Variants in ROBO2 observed in about 807,000 individuals in gnomAD.
ROBO2 encodes the protein roundabout guidance receptor 2.
In ROBO2, 53 loss-of-function variants were observed where a neutral mutation model predicts 160.8. That is an observed-to-expected ratio of 0.33 (90% CI 0.26 to 0.41). The LOEUF (loss-of-function observed/expected upper bound fraction) is 0.41. Among genes scored for constraint, ROBO2 ranks in the 10% least tolerant of loss-of-function variants. The pLI is 1.00. For synonymous variants in ROBO2, 664 were observed against 611.7 expected (o/e 1.09, Z -1.26); for missense variants, 1,577 against 1,722.4 (o/e 0.92, Z 1.49).
intron 2 of ROBO2, among the ~76,000 whole-genome samples, chr3:76,210,038 G>A (rs564640150): frequency 6.6e-6 from 1 of 152,160 alleles, no homozygotes; most frequent in East Asian, 1.9e-4. Context: ...TAGTCCAGTA[G>A]CACTGGAAAT....
At chr3:76,882,929 T>C (rs2073502931) in intron 2 of ROBO2, among the ~76,000 whole-genome samples, 1 of 152,224 alleles carries the variant, frequency 6.6e-6, no homozygotes, top group South Asian at 2.1e-4. Context: ...TCAGTCTCCA[T>C]AATTTGTTTC....
chr3:76,197,347 G>T (rs754253061), intron 2 of ROBO2, among the ~76,000 whole-genome samples: 1 of 148,280 alleles, frequency 6.7e-6, no homozygotes, highest in Non-Finnish European at 1.5e-5. Context: ...TATAGATTTG[G>T]ATCTGGGCCT....
chr3:77,139,920 T>C (rs1003928035), intron 2 of ROBO2, among the ~76,000 whole-genome samples: 2 of 152,158 alleles, frequency 1.3e-5, no homozygotes, highest in African/African-American at 4.8e-5. Context: ...GACATGCTTG[T>C]CAACACCAAA....
chr3:76,580,442 G>A (rs1359851502), intron 2 of ROBO2, among the ~76,000 whole-genome samples: 1 of 142,580 alleles, frequency 7.0e-6, no homozygotes, highest in Non-Finnish European at 1.5e-5. Flanking sequence ...CCTACTACGT[G>A]ATCATACCAT....
intron 2 of ROBO2, among the ~76,000 whole-genome samples, chr3:75,994,892 C>A (rs1423789970): frequency 6.6e-6 from 1 of 152,132 alleles, no homozygotes; most frequent in African/African-American, 2.4e-5. Flanking sequence ...GAGGTGCTAT[C>A]AGATGGAGAT....
chr3:77,034,884 T>G lies in ROBO2; in HGVS notation c.110-63130T>G, dbSNP rs2063535751. Reference sequence around the variant, plus strand: ...TGGCAAAGAATCAAAGGGATTTTCTTGGGTTCATGAAAGTGTGGTGTAAAA... The same window carrying G: ...TGGCAAAGAATCAAAGGGATTTTCTGGGGTTCATGAAAGTGTGGTGTAAAA... On this transcript the variant is annotated intron_variant, in intron 2 of 26. Coordinates refer to the ROBO2 transcript ENST00000487694. Among the ~76,000 whole-genome samples, 3 of 151,964 alleles carry G rather than the reference T, an allele frequency of 2.0e-5. No individual in the cohort carries two copies. In the South Asian group the frequency reaches 6.2e-4, roughly 31 times the overall value.
At chr3:76,351,885 G>A (rs1007382515) in intron 2 of ROBO2, among the ~76,000 whole-genome samples, 1 of 151,926 alleles carries the variant, frequency 6.6e-6, no homozygotes, top group Non-Finnish European at 1.5e-5. Flanking sequence ...TAGTATTGTT[G>A]TGAAGGTAAA....
intron 2 of ROBO2, among the ~76,000 whole-genome samples, chr3:75,974,401 ATAT>A (rs777604487): frequency 8.6e-5 from 13 of 151,712 alleles, no homozygotes; most frequent in South Asian, 2.1e-4. Flanking sequence ...ATAGGAAGAA[ATAT>A]TATGCACCCC....
chr3:76,278,640 TAGAA>T (rs1708067456), intron 2 of ROBO2, among the ~76,000 whole-genome samples: 2 of 152,098 alleles, frequency 1.3e-5, no homozygotes, highest in African/African-American at 4.8e-5. Flanking sequence ...AAGTAAAAGT[TAGAA>T]AGCATCTGGA....
intron 1 of ROBO2, among the ~76,000 whole-genome samples, chr3:77,084,705 G>A (rs2069086010): frequency 6.6e-6 from 1 of 152,024 alleles, no homozygotes; most frequent in Non-Finnish European, 1.5e-5. Flanking sequence ...GGGCTGAGTG[G>A]AAAACAACAT....
chr3:77,589,837 A>G (rs2094139087), intron 17 of ROBO2, among the ~76,000 whole-genome samples: 1 of 152,010 alleles, frequency 6.6e-6, no homozygotes, highest in Admixed American at 6.6e-5. Context: ...CACTTTCTAG[A>G]ATTAATAAGG....
chr3:77,591,735 A>G (rs573875267), intron 17 of ROBO2, among the ~76,000 whole-genome samples: 1 of 152,150 alleles, frequency 6.6e-6, no homozygotes, highest in African/African-American at 2.4e-5. Context: ...AATAAGCACA[A>G]AGTTACTACT....
chr3:75,933,303 A>G (rs1320039403), intron 1 of ROBO2, among the ~76,000 whole-genome samples: 1 of 152,198 alleles, frequency 6.6e-6, no homozygotes, highest in East Asian at 1.9e-4. Context: ...TTGATGACCC[A>G]TGAGCTCTGG....
intron 2 of ROBO2, among the ~76,000 whole-genome samples, chr3:77,451,793 CT>C: frequency 6.6e-6 from 1 of 150,538 alleles, no homozygotes; most frequent in East Asian, 2.0e-4. Flanking sequence ...TTTTATTATA[CT>C]TTAAGTTCTC....
At chr3:76,996,918 T>G (rs1482564515) in intron 2 of ROBO2, among the ~76,000 whole-genome samples, 1 of 152,190 alleles carries the variant, frequency 6.6e-6, no homozygotes, top group East Asian at 1.9e-4. Context: ...ATCTAATATG[T>G]GTCTGCCAGT....
intron 2 of ROBO2, among the ~76,000 whole-genome samples, chr3:76,033,869 C>T (rs182034459): frequency 5.5e-4 from 84 of 152,210 alleles, no homozygotes; most frequent in African/African-American, 1.4e-3. Context: ...CCCGTCTCTC[C>T]GTGTGGTTAC....
intron 2 of ROBO2, among the ~76,000 whole-genome samples, chr3:76,084,854 A>G (rs539422575): frequency 6.6e-6 from 1 of 152,182 alleles, no homozygotes; most frequent in Non-Finnish European, 1.5e-5. Context: ...CCTGGACCAC[A>G]TCTTATTCTG....
chr3:77,417,178 C>T (rs766055708), intron 2 of ROBO2, among the ~76,000 whole-genome samples: 2 of 151,206 alleles, frequency 1.3e-5, no homozygotes, highest in Non-Finnish European at 2.9e-5. Context: ...TCATTACATC[C>T]CTAGCAAAAT....
chr3:77,423,858 C>T (rs2077936386), intron 2 of ROBO2, among the ~76,000 whole-genome samples: 1 of 152,172 alleles, frequency 6.6e-6, no homozygotes, highest in African/African-American at 2.4e-5. Flanking sequence ...GGCTAGATGT[C>T]ATAATGTATT....
Sources: gnomAD v4.1 joint callset for allele counts (sites outside exome capture counted in the v4.1 genomes callset) on GRCh38, gnomAD v4.1.1 for gene constraint, MANE v1.5 for transcripts, NCBI Gene and HGNC (gene_info 2026-07-23, HGNC 2026-07-21) for gene names.